Variants in ELFN1 observed in about 807,000 individuals in gnomAD.
ELFN1 encodes the protein extracellular leucine rich repeat and fibronectin type III domain containing 1.
A neutral mutation model predicts 7.6 loss-of-function variants in ELFN1; 6 were observed. The observed-to-expected ratio is 0.79, with a 90% CI of 0.43 to 1.56. The LOEUF (loss-of-function observed/expected upper bound fraction) is 1.56. ELFN1 is among the 40% of genes most tolerant of loss of function. ELFN1 has a pLI of 0.01. For missense variants in ELFN1, 1,169 were observed against 1,232.2 expected (o/e 0.95, Z 0.77); for synonymous variants, 657 against 588.1 (o/e 1.12, Z -1.70).
intron 3 of ELFN1, among the ~76,000 whole-genome samples, chr7:1,728,164 C>T (rs1780246823): frequency 4.2e-4 from 2 of 4,798 alleles, no homozygotes; most frequent in Admixed American, 3.3e-3. Context: ...CCTTAGGGCG[C>T]CAAACGGGTG....
Position 1,746,977 on chromosome 7 carries a change from T to C in ELFN1, c.2381T>C (p.Met794Thr). ...RRRHKEEEEF[M>T]AAGHALRKKV... ...CGGCACAAGGAGGAAGAGGAGTTCA[T>C]GGCCGCGGGCCATGCCCTGCGCAAG... Residue 794 changes from methionine to threonine, a missense_variant, in exon 4 of 4, where the codon ATG becomes ACG. Around this residue, in one of 2 missense-constraint regions of ELFN1, gnomAD observed 914 missense variants for 872.6 expected, o/e 1.05. Transcript: ENST00000424383. 1 of 1,558,108 alleles carries C rather than the reference T, an allele frequency of 6.4e-7. No homozygotes were observed. The highest frequency in any genetic ancestry group is 1.4e-5 in the African/African-American group (1 of 73,316).
Position 1,745,619 on chromosome 7 carries a change from G to C in ELFN1, c.1023G>C (p.Arg341=), listed in dbSNP as rs1360922310. 1 of 1,551,142 alleles carries C rather than the reference G, an allele frequency of 6.4e-7. No homozygotes were observed. The part of the protein sequence containing the change: ...ITVQLPSPFH[R]MYTLEHFNNS... ...TCCAGCTGCCCAGCCCGTTCCACCG[G>C]ATGTACACCCTGGAGCATTTCAACA... The change falls in exon 4 of 4, where the codon CGG becomes CGC. Residue 341 remains arginine (R), a synonymous_variant. Coordinates refer to ENST00000424383, the MANE Select transcript of ELFN1 (RefSeq NM_001128636.4).
At chr7:1,716,449 A>G (rs890346420) in intron 3 of ELFN1, among the ~76,000 whole-genome samples, 19 of 152,044 alleles carry the variant, frequency 1.2e-4, no homozygotes, top group African/African-American at 4.6e-4. Flanking sequence ...CTCCCTCCAG[A>G]GCCTTAGCTG....
rs374457762 is a variant in ELFN1 at position 1,708,017 on chromosome 7, G to A, written c.-455-1074G>A. Among the ~76,000 whole-genome samples, 12 of 152,004 alleles carry A rather than the reference G, an allele frequency of 7.9e-5. 1 individual carries two copies. The highest frequency in any genetic ancestry group is 9.7e-5 in the African/African-American group (4 of 41,446). On this transcript the variant is annotated intron_variant, in intron 2 of 3. Transcript: ENST00000424383. Reference sequence around the variant, plus strand: ...CGGCAGAGCCCAGCACCAACCCCCCGCCTCTGCACCAACCTCGCGAACCCC... The same window carrying A: ...CGGCAGAGCCCAGCACCAACCCCCCACCTCTGCACCAACCTCGCGAACCCC...
chr7:1,690,100 C>T (rs758331098), intron 2 of ELFN1, among the ~76,000 whole-genome samples: 7 of 150,662 alleles, frequency 4.6e-5, no homozygotes, highest in African/African-American at 1.7e-4. Context: ...TGGATGGATG[C>T]ATGGGTTGAT....
intron 2 of ELFN1, among the ~76,000 whole-genome samples, chr7:1,699,395 T>C (rs1779381585): frequency 6.6e-6 from 1 of 152,204 alleles, no homozygotes; most frequent in Admixed American, 6.5e-5. Flanking sequence ...CCCAGCACTT[T>C]GGGAGGCCGA....
chr7:1,683,060 G>A (rs1285243208), intron 1 of ELFN1, among the ~76,000 whole-genome samples: 2 of 152,062 alleles, frequency 1.3e-5, no homozygotes, highest in African/African-American at 4.8e-5. Context: ...GATATTTTAA[G>A]GATTTTTGAA....
At chr7:1,671,319 C>T (rs1265098039) in intron 1 of ELFN1, among the ~76,000 whole-genome samples, 1 of 152,214 alleles carries the variant, frequency 6.6e-6, no homozygotes, top group African/African-American at 2.4e-5. Context: ...CTGAAAAAAA[C>T]GAAGGCTTAG....
At chr7:1,704,241 G>A (rs565968929) in intron 2 of ELFN1, among the ~76,000 whole-genome samples, 1 of 152,242 alleles carries the variant, frequency 6.6e-6, no homozygotes, top group African/African-American at 2.4e-5. Flanking sequence ...TGGGCTGGTG[G>A]GTGGGGCCAC....
chr7:1,741,525 C>T (rs894259240), intron 3 of ELFN1, among the ~76,000 whole-genome samples: 2 of 152,096 alleles, frequency 1.3e-5, no homozygotes, highest in African/African-American at 4.8e-5. Flanking sequence ...GTTCCCAGCA[C>T]CACTCCCAAG....
chr7:1,733,625 C>T (rs1374709101), intron 3 of ELFN1, among the ~76,000 whole-genome samples: 1 of 152,140 alleles, frequency 6.6e-6, no homozygotes, highest in Non-Finnish European at 1.5e-5. Context: ...AGCCCATCTT[C>T]CGTTGCTGAA....
chr7:1,691,651 C>T (rs2128580253), intron 2 of ELFN1, among the ~76,000 whole-genome samples: 1 of 152,344 alleles, frequency 6.6e-6, no homozygotes, highest in African/African-American at 2.4e-5. Context: ...AGCTCTGCAT[C>T]CCACAAGCTG....
At chr7:1,711,444 T>C (rs963070102) in intron 3 of ELFN1, among the ~76,000 whole-genome samples, 1 of 149,072 alleles carries the variant, frequency 6.7e-6, no homozygotes, top group East Asian at 2.0e-4. Flanking sequence ...GGGCAGGGAG[T>C]GTGGGAAGAG....
intron 1 of ELFN1, among the ~76,000 whole-genome samples, chr7:1,671,938 C>CGGT (rs1019517884): frequency 6.6e-6 from 1 of 152,186 alleles, no homozygotes; most frequent in African/African-American, 2.4e-5. Flanking sequence ...CCTGGGCATA[C>CGGT]GGTGGTCAGG....
At chr7:1,743,523 A>C (rs187215515) in intron 3 of ELFN1, among the ~76,000 whole-genome samples, 42 of 152,304 alleles carry the variant, frequency 2.8e-4, no homozygotes, top group Admixed American at 1.7e-3. Context: ...ACGCCCTCAG[A>C]GACCATCCAG....
intron 3 of ELFN1, among the ~76,000 whole-genome samples, chr7:1,727,772 C>T (rs1166154902): frequency 1.3e-5 from 2 of 152,160 alleles, no homozygotes; most frequent in Non-Finnish European, 2.9e-5. Flanking sequence ...CCATGCCCAG[C>T]TGATTTCTTA....
intron 2 of ELFN1, among the ~76,000 whole-genome samples, chr7:1,699,891 A>T (rs1408303139): frequency 6.6e-6 from 1 of 151,994 alleles, no homozygotes; most frequent in Non-Finnish European, 1.5e-5. Flanking sequence ...TTCAGTAGAG[A>T]TGGGCACCAT....
At chr7:1,680,470 G>A (rs13308781) in intron 1 of ELFN1, among the ~76,000 whole-genome samples, 1 of 152,214 alleles carries the variant, frequency 6.6e-6, no homozygotes, top group Non-Finnish European at 1.5e-5. Flanking sequence ...CGGCTGTGCT[G>A]CGCTTGTTTC....
chr7:1,671,857 GT>G (rs1480523062), intron 1 of ELFN1, among the ~76,000 whole-genome samples: 5 of 152,300 alleles, frequency 3.3e-5, no homozygotes, highest in Admixed American at 3.3e-4. Flanking sequence ...GTGGGAGGGG[GT>G]CACCCCCTCA....
Sources: allele counts gnomAD v4.1 joint callset (sites outside exome capture counted in the v4.1 genomes callset), GRCh38; gene constraint gnomAD v4.1.1; regional missense constraint gnomAD v4.1.1; transcripts MANE v1.5; gene names NCBI Gene and HGNC (gene_info 2026-07-23, HGNC 2026-07-21).